The following PPP1R9A variants were observed in gnomAD, a reference collection of about 807,000 sequenced individuals.
PPP1R9A encodes neurabin-1.
In PPP1R9A, 59 loss-of-function variants were observed where a neutral mutation model predicts 141.9. That is an observed-to-expected ratio of 0.42 (90% CI 0.34 to 0.52). The LOEUF (loss-of-function observed/expected upper bound fraction) is 0.52, where lower values mean the gene tolerates loss of function less well. Among genes scored for constraint, PPP1R9A ranks in the 20% least tolerant of loss-of-function variants. PPP1R9A has a pLI of 0.10. For missense variants in PPP1R9A, 1,444 were observed against 1,611.9 expected (o/e 0.90, Z 1.78); for synonymous variants, 500 against 569.7 (o/e 0.88, Z 1.74).
chr7:95,257,038 T>A (rs1161260742), intron 12 of PPP1R9A, among the ~76,000 whole-genome samples: 2 of 152,172 alleles, frequency 1.3e-5, no homozygotes, highest in Non-Finnish European at 2.9e-5. Context: ...AACAAGGCTT[T>A]TAACTTCTTT....
chr7:95,275,285 G>A (rs1429775793), intron 16 of PPP1R9A, among the ~76,000 whole-genome samples: 1 of 151,836 alleles, frequency 6.6e-6, no homozygotes, highest in African/African-American at 2.4e-5. Context: ...GCGCACACCT[G>A]TAATCCCAGC....
chr7:95,014,934 A>G (rs888073063), intron 2 of PPP1R9A, among the ~76,000 whole-genome samples: 6 of 151,980 alleles, frequency 3.9e-5, no homozygotes, highest in Non-Finnish European at 8.8e-5. Context: ...GATTTGGCCT[A>G]TTGGAACCTT....
At chr7:95,092,538 G>T (rs1268404738) in intron 2 of PPP1R9A, among the ~76,000 whole-genome samples, 1 of 152,034 alleles carries the variant, frequency 6.6e-6, no homozygotes, top group Non-Finnish European at 1.5e-5. Flanking sequence ...CTGTTTGAAT[G>T]AATGAATGAA....
intron 5 of PPP1R9A, among the ~76,000 whole-genome samples, chr7:95,173,375 C>T (rs1832427581): frequency 6.6e-6 from 1 of 151,814 alleles, no homozygotes; most frequent in Admixed American, 6.6e-5. Flanking sequence ...TCAAACCCCA[C>T]TACTATGCAA....
At chr7:95,135,854 CTTTTTTTTTTT>C (rs58872136) in intron 4 of PPP1R9A, among the ~76,000 whole-genome samples, 3 of 73,054 alleles carry the variant, frequency 4.1e-5, no homozygotes, top group Admixed American at 1.8e-4. Context: ...TTCAGCTTTA[CTTTTTTTTTTT>C]TTTTTTTTTT....
intron 2 of PPP1R9A, among the ~76,000 whole-genome samples, chr7:95,007,467 G>A (rs1012440030): frequency 2.0e-5 from 3 of 152,138 alleles, no homozygotes; most frequent in Non-Finnish European, 4.4e-5. Context: ...CTGCTCTAGG[G>A]CAAGAAGGTC....
At chr7:95,159,094 A>C (rs911950586) in intron 4 of PPP1R9A, among the ~76,000 whole-genome samples, 3 of 152,216 alleles carry the variant, frequency 2.0e-5, no homozygotes, top group Non-Finnish European at 4.4e-5. Context: ...GAAGTTGACT[A>C]TTACAGCAAT....
At chr7:95,079,990 G>T (rs1815539405) in intron 2 of PPP1R9A, among the ~76,000 whole-genome samples, 2 of 152,272 alleles carry the variant, frequency 1.3e-5, no homozygotes, top group South Asian at 4.1e-4. Flanking sequence ...CATACTGAAT[G>T]GGCAAAAACT....
Position 95,251,871 on chromosome 7 carries a change from C to T in PPP1R9A, c.2493+13C>T, listed in dbSNP as rs202183823. On this transcript the variant is annotated intron_variant, in intron 11 of 19. Transcript: ENST00000433360. Reference sequence around the variant, plus strand: ...CCTCCAAGTGCGGGTAAGTTGTGTTCCCTAAGACACTAAATAATAAGATGG... The same window carrying T: ...CCTCCAAGTGCGGGTAAGTTGTGTTTCCTAAGACACTAAATAATAAGATGG... The T allele has an allele frequency of 6.2e-7, 1 of 1,612,448 alleles. No individual in the cohort carries two copies. The highest frequency in any genetic ancestry group is 2.2e-5 in the East Asian group (1 of 44,830).
intron 2 of PPP1R9A, among the ~76,000 whole-genome samples, chr7:94,992,993 T>G (rs1252032431): frequency 6.6e-6 from 1 of 152,064 alleles, no homozygotes; most frequent in Admixed American, 6.6e-5. Flanking sequence ...TACTTTTTCT[T>G]CTAGATTTTT....
chr7:94,959,682 A>G (rs183879277), intron 2 of PPP1R9A, among the ~76,000 whole-genome samples: 10 of 151,854 alleles, frequency 6.6e-5, no homozygotes, highest in Admixed American at 5.2e-4. Context: ...TATAATCACA[A>G]GTCTCAATCA....
intron 2 of PPP1R9A, among the ~76,000 whole-genome samples, chr7:95,079,722 A>G (rs937195002): frequency 6.6e-6 from 1 of 152,250 alleles, no homozygotes; most frequent in Non-Finnish European, 1.5e-5. Flanking sequence ...CCAGCAGCAC[A>G]TCAAAAGGCT....
At chr7:95,087,747 T>C (rs28550172) in intron 2 of PPP1R9A, among the ~76,000 whole-genome samples, 11,389 of 151,752 alleles carry the variant, frequency 0.075, 651 homozygotes, top group African/African-American at 0.14. Flanking sequence ...CTACAAAAAT[T>C]AGCTGGGTGC....
At chr7:95,152,537 A>G (rs1828886744) in intron 4 of PPP1R9A, among the ~76,000 whole-genome samples, 1 of 152,130 alleles carries the variant, frequency 6.6e-6, no homozygotes, top group East Asian at 1.9e-4. Flanking sequence ...TCTCCTCACT[A>G]TGTACGCTCA....
chr7:95,143,288 G>T (rs746237532), intron 4 of PPP1R9A, among the ~76,000 whole-genome samples: 1 of 151,954 alleles, frequency 6.6e-6, no homozygotes, highest in Non-Finnish European at 1.5e-5. Context: ...TCTTGTTTTT[G>T]GTCTGGTTTA....
intron 2 of PPP1R9A, among the ~76,000 whole-genome samples, chr7:94,957,804 C>T (rs948703731): frequency 2.6e-5 from 4 of 151,928 alleles, no homozygotes; most frequent in Non-Finnish European, 5.9e-5. Context: ...TTTGTAGGAA[C>T]GACAGGAATA....
chr7:95,157,611 C>T (rs921113824), intron 4 of PPP1R9A, among the ~76,000 whole-genome samples: 2 of 152,192 alleles, frequency 1.3e-5, no homozygotes, highest in African/African-American at 2.4e-5. Flanking sequence ...AGCGGCAGGC[C>T]GTCTGGAGTG....
intron 5 of PPP1R9A, among the ~76,000 whole-genome samples, chr7:95,164,731 C>CT (rs1830941137): frequency 2.3e-5 from 2 of 87,928 alleles, no homozygotes; most frequent in African/African-American, 4.6e-5. Flanking sequence ...GGTTTTTTTT[C>CT]TTTTCTTTTC....
rs142494861 is a variant in PPP1R9A, at chr7:95,003,678, A to T, written c.1395+92170A>T. Among the ~76,000 whole-genome samples the T allele has an allele frequency of 5.3e-4, 81 of 152,298 alleles. 2 individuals carry two copies. The East Asian group carries it at 0.015, about 27-fold the overall frequency. ...TGGTTCTCAACCCTGGCTACTCTTT[A>T]CAATCACCTGGGAGCTTCTTAAAAT... On this transcript the variant is annotated intron_variant, in intron 2 of 19. Transcript: ENST00000433360.
Sources: allele counts gnomAD v4.1 joint callset (sites outside exome capture counted in the v4.1 genomes callset), GRCh38; gene constraint gnomAD v4.1.1; transcripts MANE v1.5; gene names NCBI Gene and HGNC (gene_info 2026-07-23, HGNC 2026-07-21).